Variants in TBCD observed in about 807,000 individuals in gnomAD.
The protein encoded by TBCD is tubulin-specific chaperone D.
In TBCD, 105 loss-of-function variants were observed where a neutral mutation model predicts 169.3. The ratio of observed to expected loss-of-function variants is 0.62; its 90% CI spans 0.53 to 0.73. TBCD has a LOEUF of 0.73. TBCD is among the 30% of genes least tolerant of loss of function. The pLI, the probability that TBCD is intolerant of heterozygous loss-of-function variation, is 0.00. For synonymous variants in TBCD, 700 were observed against 643.9 expected (o/e 1.09, Z -1.32); for missense variants, 1,444 against 1,600.1 (o/e 0.90, Z 1.66).
chr17:82,838,585 T>A (rs892169586), intron 13 of TBCD: 2 of 921,252 alleles, frequency 2.2e-6, no homozygotes, highest in African/African-American at 3.6e-5. Flanking sequence ...GACACACCAT[T>A]GTCGCCTACC....
At chr17:82,809,676 G>T in intron 11 of TBCD, 32 bp from the exon 12 acceptor site, 1 of 1,606,730 alleles carries the variant, frequency 6.2e-7, no homozygotes, top group Non-Finnish European at 8.5e-7. Flanking sequence ...GGCTGGTGGT[G>T]CCCCTGACGG....
At chr17:82,815,129 C>T (rs2051771066) in intron 13 of TBCD, among the ~76,000 whole-genome samples, 195 bp downstream of exon 13, 1 of 152,180 alleles carries the variant, frequency 6.6e-6, no homozygotes, top group South Asian at 2.1e-4. Context: ...GCGGGCACGC[C>T]CAGAAGAGCT....
intron 27 of TBCD, among the ~76,000 whole-genome samples, chr17:82,925,847 G>C (rs891207452): frequency 6.6e-6 from 1 of 152,200 alleles, no homozygotes; most frequent in Non-Finnish European, 1.5e-5. Flanking sequence ...AGGACAAAAG[G>C]GGGGGACCTC....
intron 2 of TBCD, among the ~76,000 whole-genome samples, chr17:82,760,522 G>A (rs1299625083): frequency 6.6e-6 from 1 of 152,036 alleles, no homozygotes; most frequent in Non-Finnish European, 1.5e-5. Flanking sequence ...TTTGTTATGT[G>A]TTCTAACTAG....
chr17:82,795,504 C>A (rs1568144895), intron 7 of TBCD: 1 of 984,484 alleles, frequency 1.0e-6, no homozygotes, highest in Non-Finnish European at 1.2e-6. Flanking sequence ...CGTTGTTGAG[C>A]ACTTCACTGT....
rs1720317283 is a variant in TBCD, at chr17:82,920,159, G to A, written c.2039-397G>A. Among the ~76,000 whole-genome samples, 1 of 152,228 alleles carries A rather than the reference G, an allele frequency of 6.6e-6. No individual in the cohort carries two copies. Among genetic ancestry groups the A allele is most frequent in the Admixed American group, 6.5e-5 (1 of 15,282 alleles). On this transcript the variant is annotated intron_variant, in intron 23 of 38. Coordinates refer to ENST00000355528, the MANE Select transcript of TBCD (RefSeq NM_005993.5). This position sits in a 1 kb window ranked among gnomAD's most constrained non-coding sequence, Gnocchi z 4.1. ...GGCATGACCTGTGGTCTGGAGCATT[G>A]CAGGTGATGGCTGTCTGTCGCTTGG...
chr17:82,778,161 A>G (rs1289918015), intron 6 of TBCD, among the ~76,000 whole-genome samples: 2 of 152,364 alleles, frequency 1.3e-5, no homozygotes, highest in East Asian at 1.9e-4. Context: ...GATTAATGAT[A>G]TATATAATCA....
intron 37 of TBCD, among the ~76,000 whole-genome samples, chr17:82,941,110 C>T (rs927664262): frequency 6.6e-6 from 1 of 152,264 alleles, no homozygotes; most frequent in African/African-American, 2.4e-5. Flanking sequence ...TCCTTGGCCT[C>T]GCTTGGTCTG....
chr17:82,932,713 G>C lies in TBCD; in HGVS notation c.3169G>C (p.Asp1057His), dbSNP rs746252497. The C allele has an allele frequency of 8.1e-6, 13 of 1,613,924 alleles. No individual in the cohort carries two copies. The South Asian group carries it at 1.2e-4, about 15-fold the overall frequency. ...CCACGTGCTCACCCACGGCTGCTTCGACATCTTCACCACGGAGGAGGAGTG... is the reference window on the plus strand; with the variant it reads ...CCACGTGCTCACCCACGGCTGCTTCCACATCTTCACCACGGAGGAGGAGTG... ...LDHVLTHGCF[D>H]IFTTEEDHPF... Residue 1057 changes from aspartate to histidine, a missense_variant, in exon 34 of 39, where the codon GAC becomes CAC. Physicochemically the swap from Asp to His is moderately conservative, Grantham distance 81. Coordinates refer to ENST00000355528, the MANE Select transcript of TBCD (RefSeq NM_005993.5).
rs1372147508 is a variant in TBCD, at chr17:82,944,909, A to G, written c.*2446A>G. On this transcript the variant is annotated 3_prime_UTR_variant, in exon 39 of 39. Coordinates refer to ENST00000355528, the MANE Select transcript of TBCD (RefSeq NM_005993.5). ...CTAAATAAGTCTTTTTCAAAGGAAC[A>G]GCAGCAAGACTCTTATCTCAATCTA... 6.6e-6 allele frequency: 1 copy of G among 152,236 alleles called. No individual in the cohort carries two copies. The highest frequency in any genetic ancestry group is 1.5e-5 in the Non-Finnish European group (1 of 68,044). The allele number at this position is 152,236 out of a possible 1,614,324, so 9.4% of individuals were successfully genotyped here.
chr17:82,777,515 C>T (rs1458024073), intron 6 of TBCD, among the ~76,000 whole-genome samples: 7 of 152,014 alleles, frequency 4.6e-5, no homozygotes, highest in South Asian at 2.1e-4. Flanking sequence ...CCATCTCCAA[C>T]GGTAGGTAAG....
At chr17:82,770,599 C>CAA (rs1351025159) in intron 5 of TBCD, among the ~76,000 whole-genome samples, 4 of 90,312 alleles carry the variant, frequency 4.4e-5, no homozygotes, top group Admixed American at 1.2e-4. Context: ...AACTCCGTCT[C>CAA]AAAAAAAAAA....
rs115893874 is a variant in TBCD at position 82,936,363 on chromosome 17, G to A, written c.3192-908G>A. ...TCCACGTCTGCTTGTAGCGCTTTCC[G>A]CTTCGCCGTTCCCTGCGGCCCTTCC... On this transcript the variant is annotated intron_variant, in intron 34 of 38. Coordinates refer to ENST00000355528, the MANE Select transcript of TBCD (RefSeq NM_005993.5). Among the ~76,000 whole-genome samples the A allele has an allele frequency of 3.4e-3, 512 of 152,024 alleles. 4 individuals are homozygous for A. Among genetic ancestry groups the A allele is most frequent in the African/African-American group, 0.01 (428 of 41,310 alleles).
At chr17:82,803,788 G>A (rs992495492) in intron 9 of TBCD, among the ~76,000 whole-genome samples, 26 of 152,034 alleles carry the variant, frequency 1.7e-4, no homozygotes, top group African/African-American at 4.8e-4. Flanking sequence ...TTGTGGTGCC[G>A]TCTGGTCTTT....
At chr17:82,916,975 C>T (rs1396675500) in intron 23 of TBCD, among the ~76,000 whole-genome samples, 2 of 151,716 alleles carry the variant, frequency 1.3e-5, no homozygotes, top group Non-Finnish European at 2.9e-5. Flanking sequence ...TACACTCCCT[C>T]CTCTGGTTTT....
chr17:82,772,531 T>C (rs1046095974), intron 6 of TBCD, 24 bp downstream of exon 6: 1 of 1,613,628 alleles, frequency 6.2e-7, no homozygotes, highest in Non-Finnish European at 8.5e-7. Flanking sequence ...GCACATTTCT[T>C]GGTGTGTGGC....
intron 8 of TBCD, among the ~76,000 whole-genome samples, chr17:82,800,277 G>A (rs576491295): frequency 7.9e-4 from 121 of 152,218 alleles, no homozygotes; most frequent in African/African-American, 2.5e-3. Flanking sequence ...TCTCCTGCTC[G>A]CAGGCTCTCC....
chr17:82,899,292 C>A (rs547087109), intron 17 of TBCD, among the ~76,000 whole-genome samples: 3 of 149,870 alleles, frequency 2.0e-5, no homozygotes, highest in Non-Finnish European at 4.4e-5. Flanking sequence ...GTCCTCAGTG[C>A]GTGTGTCCTC....
intron 13 of TBCD, among the ~76,000 whole-genome samples, chr17:82,821,537 A>G (rs2052414260): frequency 6.6e-6 from 1 of 152,198 alleles, no homozygotes; most frequent in Non-Finnish European, 1.5e-5. Context: ...TAGCATCTAC[A>G]AAGCTTTTCT....
Sources: gnomAD v4.1 joint callset for allele counts (sites outside exome capture counted in the v4.1 genomes callset) on GRCh38, gnomAD v4.1.1 for gene constraint, Gnocchi (gnomAD v3.1) non-coding constraint, MANE v1.5 for transcripts, NCBI Gene and HGNC (gene_info 2026-07-23, HGNC 2026-07-21) for gene names.